ESYT3: variants seen among roughly 807,000 people sequenced by gnomAD.
ESYT3 encodes the protein extended synaptotagmin 3, also known as extended synaptotagmin-3.
In ESYT3, 101 loss-of-function variants were observed where a neutral mutation model predicts 111.5. That is an observed-to-expected ratio of 0.91 (90% CI 0.77 to 1.07). The LOEUF is 1.07. Among genes scored for constraint, ESYT3 ranks in the 50% least tolerant of loss-of-function variants. ESYT3 has a pLI of 0.00. For synonymous variants in ESYT3, 416 were observed against 446.8 expected (o/e 0.93, Z 0.87); for missense variants, 1,097 against 1,109.4 (o/e 0.99, Z 0.16).
chr3:138,446,389 T>G (rs1033445478), intron 1 of ESYT3, among the ~76,000 whole-genome samples: 25 of 152,230 alleles, frequency 1.6e-4, no homozygotes, highest in African/African-American at 5.1e-4. Context: ...AACTTTAGTT[T>G]CCTTATCTGT....
chr3:138,467,139 G>C (rs941686321), intron 10 of ESYT3, among the ~76,000 whole-genome samples: 1 of 152,130 alleles, frequency 6.6e-6, no homozygotes, highest in Non-Finnish European at 1.5e-5. Context: ...GGGGCATTTG[G>C]GGTTATTGAC....
In ESYT3 at chr3:138,476,492, G is replaced by T; in HGVS notation, c.2624G>T (p.Trp875Leu). 1 of 1,613,218 alleles carries T rather than the reference G, an allele frequency of 6.2e-7. No homozygotes were observed. The highest frequency in any genetic ancestry group is 8.5e-7 in the Non-Finnish European group (1 of 1,179,848). ...GATCTGATTAAGGGCTTTTCACAAT[G>T]GTAAGTGTGCCCTTTCATTTTATCA... ...KEDLIKGFSQ[W>L]YELTPNGQPR... Residue 875 changes from tryptophan (W) to leucine (L), a missense_variant and splice_region_variant, in exon 22 of 23, where the codon TGG (tryptophan) becomes TTG (leucine). Physicochemically the swap from Trp to Leu is moderately conservative, Grantham distance 61 (BLOSUM62 -2). Coordinates refer to ENST00000389567, the MANE Select transcript of ESYT3 (RefSeq NM_031913.5).
chr3:138,465,355 T>C lies in ESYT3; in HGVS notation c.1103T>C (p.Val368Ala), dbSNP rs768456848. 2.5e-6 allele frequency: 4 copies of C among 1,594,104 alleles called. No homozygotes were observed. Among genetic ancestry groups the C allele is most frequent in the Admixed American group, 1.8e-5 (1 of 56,946 alleles). The stretch of plus-strand genomic sequence containing the variant: ...TCCTTCCAGTTCATGGTGTACGAAG[T>C]CCCTGGACAGGACCTGGAGGTAGAC... ...NEVFEFMVYE[V>A]PGQDLEVDLY... Residue 368 changes from valine (V) to alanine (A), a missense_variant, in exon 10 of 23, where the codon GTC becomes GCC. By Grantham distance (64) the Val-to-Ala change is moderately conservative. Transcript: ENST00000389567.
chr3:138,435,247 A>G lies in ESYT3; in HGVS notation c.327+122A>G. 1 of 999,250 alleles carries G rather than the reference A, an allele frequency of 1.0e-6. No homozygotes were observed. Among genetic ancestry groups the G allele is most frequent in the Non-Finnish European group, 1.4e-6 (1 of 700,220 alleles). 61.9% of individuals were successfully genotyped at this position (999,250 alleles called of 1,614,324 possible). On this transcript the variant is annotated intron_variant, in intron 1 of 22. Transcript: ENST00000389567. The surrounding 1 kb of genome is among the most constrained non-coding windows in gnomAD (Gnocchi z 4.8). ...GCAGGGCGGGAGCCCGGCGACCTGC[A>G]CACCCCGTTCCCCACCGCTCCCGGG...
rs748527824 is a variant in ESYT3 at position 138,472,425 on chromosome 3, A to G, written c.1803A>G (p.Lys601=). Residue 601 remains lysine (K), a synonymous_variant, in exon 18 of 23, where the codon AAA becomes AAG. Coordinates refer to ENST00000389567, the MANE Select transcript of ESYT3 (RefSeq NM_031913.5). The part of the protein sequence containing the change: ...SPYTGPEALK[K]GPLLIKKVAT... The stretch of plus-strand genomic sequence containing the variant: ...ACACAGGACCTGAAGCCCTAAAGAA[A>G]GGCCCTCTGCTCATCAAGAAAGTGG... The G allele has an allele frequency of 3.7e-6, 6 of 1,614,176 alleles. No homozygotes were observed. In the South Asian group the frequency reaches 4.4e-5, roughly 12 times the overall value.
chr3:138,451,382 A>G (rs1465321291), intron 1 of ESYT3, among the ~76,000 whole-genome samples: 2 of 152,242 alleles, frequency 1.3e-5, no homozygotes, highest in Non-Finnish European at 2.9e-5. Context: ...CTATGAAAAC[A>G]TCAAGCTGTT....
At chr3:138,441,353 A>G (rs549823071) in intron 1 of ESYT3, among the ~76,000 whole-genome samples, 68 of 152,308 alleles carry the variant, frequency 4.5e-4, no homozygotes, top group African/African-American at 1.6e-3. Context: ...ATGGTGGATG[A>G]GGATCAGGGC....
In ESYT3 at chr3:138,440,912, A is replaced by G. The variant is rs1443917254; in HGVS notation, c.327+5787A>G. 1.3e-5 allele frequency among the ~76,000 whole-genome samples: 2 copies of G among 152,216 alleles called. No homozygotes were observed. The highest frequency in any genetic ancestry group is 2.4e-5 in the African/African-American group (1 of 41,456). On this transcript the variant is annotated intron_variant, in intron 1 of 22. Transcript: ENST00000389567. The surrounding 1 kb of genome is among the most constrained non-coding windows in gnomAD (Gnocchi z 4.2). The stretch of plus-strand genomic sequence containing the variant: ...TGCAGGCGGGGCAGCATGAGTACAC[A>G]TGGCCCCTGCCCTTGAGGAACCCAT...
At chr3:138,446,683 A>G (rs1273139023) in intron 1 of ESYT3, among the ~76,000 whole-genome samples, 1 of 152,180 alleles carries the variant, frequency 6.6e-6, no homozygotes, top group African/African-American at 2.4e-5. Flanking sequence ...TGAGCCCAGG[A>G]GTTCACGACC....
In ESYT3 at chr3:138,440,183, C is replaced by T. The variant is rs563067761; in HGVS notation, c.327+5058C>T. Among the ~76,000 whole-genome samples the T allele has an allele frequency of 5.9e-5, 9 of 152,324 alleles. No homozygotes were observed. The highest frequency in any genetic ancestry group is 5.8e-4 in the East Asian group (3 of 5,182). On this transcript the variant is annotated intron_variant, in intron 1 of 22. Transcript: ENST00000389567. The surrounding 1 kb of genome is among the most constrained non-coding windows in gnomAD (Gnocchi z 4.2). ...ATGCCTGTCCCCATCTAACTGGGTG[C>T]GCACTGGGGCTGCCGGCAGAAGCAA...
At chr3:138,476,675 C>T (rs1576473970) in intron 22 of ESYT3, 143 bp from the exon 23 acceptor site, 1 of 1,071,344 alleles carries the variant, frequency 9.3e-7, no homozygotes, top group East Asian at 2.4e-5. Context: ...TAGCCTTAAC[C>T]CTGAACCCTG....
chr3:138,458,311 G>A (rs2032412110), intron 4 of ESYT3, among the ~76,000 whole-genome samples: 1 of 152,212 alleles, frequency 6.6e-6, no homozygotes, highest in African/African-American at 2.4e-5. Flanking sequence ...TTTAGGGGCT[G>A]GTCCCAAGTG....
At chr3:138,437,990 G>A (rs74379700) in intron 1 of ESYT3, among the ~76,000 whole-genome samples, 1 of 152,194 alleles carries the variant, frequency 6.6e-6, no homozygotes, top group Non-Finnish European at 1.5e-5. Context: ...TCCACGCCCA[G>A]TGATGATATG....
intron 1 of ESYT3, among the ~76,000 whole-genome samples, chr3:138,448,918 T>C (rs1315116701): frequency 6.6e-6 from 1 of 151,908 alleles, no homozygotes; most frequent in African/African-American, 2.4e-5. Context: ...AGGTCTCTTA[T>C]TTTCTTGGAC....
In ESYT3 at chr3:138,470,073, ACAAG is replaced by A. The variant is rs768243843; in HGVS notation, c.1518_1521del (p.Asn506LysfsTer23). 22 of 1,612,852 alleles carry A rather than the reference ACAAG, an allele frequency of 1.4e-5. No individual in the cohort carries two copies. In the South Asian group the frequency reaches 2.2e-4, roughly 16 times the overall value. ...TTCTGTTCCCAGACCTGTCCCCACAACAAGGACCCTGTGTGGAGCCAGGTGTTCT... is the reference window on the plus strand; with the variant it reads ...TTCTGTTCCCAGACCTGTCCCCACAAGACCCTGTGTGGAGCCAGGTGTTCT... On this transcript the variant is annotated frameshift_variant, in exon 16 of 23. Transcript: ENST00000389567. LOFTEE classifies it high-confidence loss of function.
rs187417986 is a variant in ESYT3, at chr3:138,457,426, G to A, written c.505-142G>A. 3.3e-5 allele frequency: 26 copies of A among 776,460 alleles called. No homozygotes were observed. In the Admixed American group the frequency reaches 3.7e-4, roughly 11 times the overall value. The allele number at this position is 776,460 out of a possible 1,614,324, so 48.1% of individuals were successfully genotyped here. On this transcript the variant is annotated intron_variant, in intron 3 of 22. Coordinates refer to ENST00000389567, the MANE Select transcript of ESYT3 (RefSeq NM_031913.5). ...AGGGAGGGAAGTCTCTGGGCTGCAG[G>A]ATAGATTTACATGTCTGTGCCTCGT... is the stretch of plus-strand genomic sequence containing the variant.
chr3:138,457,731 A>G, intron 4 of ESYT3, 87 bp downstream of exon 4: 1 of 1,276,808 alleles, frequency 7.8e-7, no homozygotes, highest in Non-Finnish European at 1.1e-6. Flanking sequence ...GTATATATAT[A>G]CTCTGACTTG....
intron 20 of ESYT3, 176 bp downstream of exon 20, chr3:138,474,528 A>C: frequency 1.6e-6 from 1 of 626,088 alleles, no homozygotes; most frequent in Non-Finnish European, 2.4e-6. Context: ...AGTGCCAGAG[A>C]AGTTTATCAA....
intron 14 of ESYT3, chr3:138,469,195 C>T (rs1469467876): frequency 5.1e-6 from 3 of 593,766 alleles, no homozygotes; most frequent in South Asian, 2.0e-5. Context: ...CTGTGCCTGG[C>T]CAGGCCCAGC....
Sources: allele counts gnomAD v4.1 joint callset (sites outside exome capture counted in the v4.1 genomes callset), GRCh38; gene constraint gnomAD v4.1.1; non-coding constraint Gnocchi (gnomAD v3.1); transcripts MANE v1.5; gene names NCBI Gene and HGNC (gene_info 2026-07-23, HGNC 2026-07-21).